The following LPP variants were observed in gnomAD, a reference collection of about 807,000 sequenced individuals.
LPP encodes the protein LIM domain containing preferred translocation partner in lipoma.
In LPP, 38 loss-of-function variants were observed where a neutral mutation model predicts 60.4. The ratio of observed to expected loss-of-function variants is 0.63; its 90% confidence interval spans 0.49 to 0.83. LPP has a LOEUF of 0.83. LPP is among the 40% of genes least tolerant of loss of function. The pLI, the probability that LPP is intolerant of heterozygous loss-of-function variation, is 0.00. For synonymous variants in LPP, 328 were observed against 290.8 expected (o/e 1.13, Z -1.30); for missense variants, 902 against 783.6 (o/e 1.15, Z -1.80).
intron 6 of LPP, among the ~76,000 whole-genome samples, chr3:188,531,561 A>G (rs1380497274): frequency 6.6e-6 from 1 of 152,182 alleles, no homozygotes; most frequent in Non-Finnish European, 1.5e-5. Context: ...AATGAATAAC[A>G]AATCATGCCT....
intron 4 of LPP, among the ~76,000 whole-genome samples, chr3:188,452,196 C>T (rs1342472674): frequency 1.3e-5 from 2 of 152,154 alleles, no homozygotes; most frequent in African/African-American, 2.4e-5. Context: ...AGAAATGTGT[C>T]GTTAACATTA....
chr3:188,270,917 A>G (rs999050823), intron 2 of LPP, among the ~76,000 whole-genome samples: 6 of 152,220 alleles, frequency 3.9e-5, no homozygotes, highest in Non-Finnish European at 7.3e-5. Context: ...ACTGCCACCC[A>G]GCTGCAAAAC....
intron 9 of LPP, among the ~76,000 whole-genome samples, chr3:188,762,352 A>T (rs1732652947): frequency 6.6e-6 from 1 of 152,218 alleles, no homozygotes; most frequent in African/African-American, 2.4e-5. Flanking sequence ...CTTCAGGAAA[A>T]GTAGTGGAAT....
At chr3:188,396,822 C>G (rs974890848) in intron 3 of LPP, among the ~76,000 whole-genome samples, 1 of 150,408 alleles carries the variant, frequency 6.6e-6, no homozygotes, top group African/African-American at 2.5e-5. Flanking sequence ...CTAAGGAGCC[C>G]GTTTTTTTGC....
chr3:188,672,709 A>C (rs1400568913), intron 7 of LPP, among the ~76,000 whole-genome samples: 1 of 152,030 alleles, frequency 6.6e-6, no homozygotes, highest in Non-Finnish European at 1.5e-5. Flanking sequence ...GGTGCCTTTC[A>C]CTGTTTTCCA....
chr3:188,811,157 C>G (rs1750824008), intron 9 of LPP, among the ~76,000 whole-genome samples: 1 of 151,770 alleles, frequency 6.6e-6, no homozygotes, highest in Non-Finnish European at 1.5e-5. Context: ...TGAAGTATAA[C>G]TCATAGAAAA....
At chr3:188,276,695 T>TTCTCTCTCTC (rs768545804) in intron 2 of LPP, among the ~76,000 whole-genome samples, 8 of 16,418 alleles carry the variant, frequency 4.9e-4, no homozygotes, top group Non-Finnish European at 9.3e-4. Flanking sequence ...CTCTCTCTCT[T>TTCTCTCTCTC]TCTCTCTCTC....
At chr3:188,446,242 C>T (rs1452525760) in intron 4 of LPP, among the ~76,000 whole-genome samples, 1 of 152,198 alleles carries the variant, frequency 6.6e-6, no homozygotes, top group Non-Finnish European at 1.5e-5. Flanking sequence ...AGCCCAGCTT[C>T]ATTTTGCCAC....
At chr3:188,445,992 C>T (rs150373229) in intron 4 of LPP, among the ~76,000 whole-genome samples, 17 of 152,266 alleles carry the variant, frequency 1.1e-4, no homozygotes, top group African/African-American at 3.6e-4. Flanking sequence ...TGCCATTTAA[C>T]AGGGAGGGGA....
rs1056679420 is a variant in LPP, at chr3:188,396,187, G to A, written c.-9-9925G>A. 7.9e-5 allele frequency among the ~76,000 whole-genome samples: 12 copies of A among 152,202 alleles called. 1 individual carries two copies. The East Asian group carries it at 1.7e-3, about 22-fold the overall frequency. On this transcript the variant is annotated intron_variant, in intron 3 of 11. Transcript: ENST00000617246. Reference sequence around the variant, plus strand: ...AAGCAGTGTTATCAGATGTAAATATGTCTTAACGTTCATCAATAGTAGACT... The same window carrying A: ...AAGCAGTGTTATCAGATGTAAATATATCTTAACGTTCATCAATAGTAGACT...
intron 7 of LPP, among the ~76,000 whole-genome samples, chr3:188,694,890 T>A (rs184395362): frequency 6.6e-6 from 1 of 152,326 alleles, no homozygotes; most frequent in Non-Finnish European, 1.5e-5. Context: ...GACTTTGTAA[T>A]GTATGTGAAA....
chr3:188,214,880 A>T (rs1712887073), intron 1 of LPP, among the ~76,000 whole-genome samples: 2 of 152,260 alleles, frequency 1.3e-5, no homozygotes, highest in Admixed American at 1.3e-4. Context: ...ATGGGTGCCA[A>T]GCACAGGGCT....
chr3:188,414,000 T>G (rs942699446), intron 4 of LPP, among the ~76,000 whole-genome samples: 1 of 152,168 alleles, frequency 6.6e-6, no homozygotes, highest in Non-Finnish European at 1.5e-5. Context: ...ATATACTTAT[T>G]CAGCAGTCAT....
chr3:188,465,591 C>G (rs1800184474), intron 4 of LPP, among the ~76,000 whole-genome samples: 1 of 152,134 alleles, frequency 6.6e-6, no homozygotes, highest in Non-Finnish European at 1.5e-5. Flanking sequence ...AAACCACAAT[C>G]TAATAAACAA....
intron 6 of LPP, among the ~76,000 whole-genome samples, chr3:188,599,751 G>GAGGGGTGT (rs1553938530): frequency 7.2e-6 from 1 of 139,828 alleles, no homozygotes; most frequent in African/African-American, 2.7e-5. Flanking sequence ...ACTCGTTAGG[G>GAGGGGTGT]GTGTGTGTGT....
At chr3:188,368,726 A>C (rs1019178760) in intron 3 of LPP, among the ~76,000 whole-genome samples, 3 of 128,076 alleles carry the variant, frequency 2.3e-5, no homozygotes, top group Non-Finnish European at 3.4e-5. Flanking sequence ...ACACAGAGAG[A>C]GAGAGAGAGA....
intron 6 of LPP, among the ~76,000 whole-genome samples, chr3:188,553,405 G>A (rs917297789): frequency 1.3e-5 from 2 of 152,108 alleles, no homozygotes; most frequent in Non-Finnish European, 2.9e-5. Flanking sequence ...TAGCAGGGAG[G>A]GGGTTACTTA....
At chr3:188,267,473 G>T (rs1735988186) in intron 2 of LPP, among the ~76,000 whole-genome samples, 1 of 152,182 alleles carries the variant, frequency 6.6e-6, no homozygotes. Flanking sequence ...ATCTCAATAT[G>T]TAAAATAATC....
intron 2 of LPP, among the ~76,000 whole-genome samples, chr3:188,285,820 T>C (rs966583102): frequency 7.5e-4 from 114 of 152,216 alleles, no homozygotes; most frequent in African/African-American, 2.7e-3. Flanking sequence ...TTGCTGTTTA[T>C]CCTGGGAGAA....
Sources: gnomAD v4.1 joint callset for allele counts (sites outside exome capture counted in the v4.1 genomes callset) on GRCh38, gnomAD v4.1.1 for gene constraint, MANE v1.5 for transcripts, NCBI Gene and HGNC (gene_info 2026-07-23, HGNC 2026-07-21) for gene names.